The following SLC60A1 variants were observed in gnomAD, a reference collection of about 807,000 sequenced individuals.
The protein encoded by SLC60A1 is major facilitator superfamily domain containing 4.
the SLC60A1 span, among the ~76,000 whole-genome samples, chr1:205,580,417 G>A: frequency 7.9e-5 from 12 of 152,156 alleles, no homozygotes; most frequent in African/African-American, 2.4e-4. The surrounding 1 kb of genome is among the most constrained non-coding windows in gnomAD (Gnocchi z 5.0). Context: ...ACTGTCACCC[G>A]AGTCATCCCA....
the SLC60A1 span, chr1:205,583,926 G>A: frequency 6.2e-7 from 1 of 1,604,592 alleles, no homozygotes; most frequent in Non-Finnish European, 8.5e-7. Context: ...TCAGGGCAGG[G>A]CTCTCCTGAC....
the SLC60A1 span, chr1:205,597,700 T>C: frequency 6.7e-7 from 1 of 1,501,562 alleles, no homozygotes; most frequent in Non-Finnish European, 9.3e-7. Context: ...CCACTGTGCC[T>C]GGCCAGCAAC....
At chr1:205,599,172 C>A in the SLC60A1 span, 2 of 1,614,142 alleles carry the variant, frequency 1.2e-6, no homozygotes, top group South Asian at 2.2e-5. Flanking sequence ...TGGTCTGTGG[C>A]GTGATCTTTG....
chr1:205,592,557 A>C, the SLC60A1 span, among the ~76,000 whole-genome samples: 2 of 150,324 alleles, frequency 1.3e-5, no homozygotes, highest in Non-Finnish European at 3.0e-5. Context: ...CAACTGTCCC[A>C]GGTGTGTGAT....
chr1:205,580,364 C>T, the SLC60A1 span, among the ~76,000 whole-genome samples: 2 of 152,154 alleles, frequency 1.3e-5, no homozygotes, highest in Admixed American at 6.5e-5. The surrounding 1 kb of genome is among the most constrained non-coding windows in gnomAD (Gnocchi z 5.0). Context: ...ACATGGTGAT[C>T]AGTCCCAGCT....
the SLC60A1 span, chr1:205,598,068 C>T: frequency 7.9e-6 from 4 of 508,040 alleles, no homozygotes; most frequent in Non-Finnish European, 1.4e-5. Context: ...TAAACGGATG[C>T]ATGGAAAAGT....
chr1:205,584,894 G>A, the SLC60A1 span: 1 of 1,614,084 alleles, frequency 6.2e-7, no homozygotes, highest in East Asian at 2.2e-5. Flanking sequence ...GACCTGTTCA[G>A]CTGCTGCCAA....
the SLC60A1 span, chr1:205,599,144 A>G: frequency 6.2e-7 from 1 of 1,614,184 alleles, no homozygotes; most frequent in Non-Finnish European, 8.5e-7. Context: ...TTCCAGGCTC[A>G]GGGCAGCTAT....
the SLC60A1 span, chr1:205,580,871 G>A: frequency 1.4e-5 from 23 of 1,613,966 alleles, no homozygotes; most frequent in Admixed American, 3.3e-5. This position sits in a 1 kb window ranked among gnomAD's most constrained non-coding sequence, Gnocchi z 5.0. Flanking sequence ...TCCAAAGGAC[G>A]GGGCAGGGAC....
chr1:205,602,830 G>A, the SLC60A1 span: 6 of 152,114 alleles, frequency 3.9e-5, no homozygotes, highest in African/African-American at 1.2e-4. Context: ...TGGCTATATC[G>A]AAGTTGATTG....
chr1:205,585,987 T>G, the SLC60A1 span: 144 of 1,523,084 alleles, frequency 9.5e-5, no homozygotes, highest in African/African-American at 1.7e-3. This position sits in a 1 kb window ranked among gnomAD's most constrained non-coding sequence, Gnocchi z 4.2. Context: ...AGGGTCATTG[T>G]CTGGCTGGGC....
chr1:205,580,760 A>C, the SLC60A1 span: 1 of 1,613,982 alleles, frequency 6.2e-7, no homozygotes, highest in Admixed American at 1.7e-5. The surrounding 1 kb of genome is among the most constrained non-coding windows in gnomAD (Gnocchi z 5.0). Flanking sequence ...TAGCACGGCC[A>C]ACACCACCTC....
chr1:205,576,741 TTGTTCAGGCTGATGTTTGGAA>T, the SLC60A1 span, among the ~76,000 whole-genome samples: 3 of 152,182 alleles, frequency 2.0e-5, no homozygotes, highest in African/African-American at 7.2e-5. Flanking sequence ...CTAAAGAAAT[TTGTTCAGGCTGATGTTTGGAA>T]TGCCCAGGCA....
the SLC60A1 span, chr1:205,597,577 G>T: frequency 2.1e-6 from 1 of 475,516 alleles, no homozygotes; most frequent in Non-Finnish European, 3.9e-6. Flanking sequence ...TTTACTTTTT[G>T]TAGAGACCAA....
chr1:205,599,186 G>T, the SLC60A1 span: 1 of 1,614,178 alleles, frequency 6.2e-7, no homozygotes, highest in Non-Finnish European at 8.5e-7. Context: ...ATCTTTGGTT[G>T]TCTGGCTTTT....
At chr1:205,599,314 G>A in the SLC60A1 span, 617,210 of 1,593,236 alleles carry the variant, frequency 0.39, 123,824 homozygotes, top group Non-Finnish European at 0.42. Flanking sequence ...GGGAGCGGGG[G>A]AGCAGGAGAT....
chr1:205,577,514 G>A, the SLC60A1 span, among the ~76,000 whole-genome samples: 5 of 152,178 alleles, frequency 3.3e-5, no homozygotes, highest in Admixed American at 6.5e-5. This position sits in a 1 kb window ranked among gnomAD's most constrained non-coding sequence, Gnocchi z 5.2. Context: ...GCTAACCCCC[G>A]CAGAGGGGTG....
chr1:205,580,031 C>T, the SLC60A1 span: 3 of 1,438,534 alleles, frequency 2.1e-6, no homozygotes, highest in Non-Finnish European at 2.8e-6. This position sits in a 1 kb window ranked among gnomAD's most constrained non-coding sequence, Gnocchi z 5.0. Context: ...CTCCCAGCCT[C>T]CTCCCCCAGG....
At chr1:205,588,524 A>G in the SLC60A1 span, among the ~76,000 whole-genome samples, 2 of 145,532 alleles carry the variant, frequency 1.4e-5, no homozygotes, top group African/African-American at 5.0e-5. Flanking sequence ...CCCCTACCCC[A>G]GAGATTCTAA....
Sources: allele counts gnomAD v4.1 joint callset (sites outside exome capture counted in the v4.1 genomes callset), GRCh38; gene constraint gnomAD v4.1.1; non-coding constraint Gnocchi (gnomAD v3.1); transcripts MANE v1.5; gene names NCBI Gene and HGNC (gene_info 2026-07-23, HGNC 2026-07-21).